Variants in IL34 observed in about 807,000 individuals in gnomAD.
IL34 encodes the protein interleukin-34.
Under a neutral mutation model 25.3 loss-of-function variants are expected in IL34, and 17 were observed. That is an observed-to-expected ratio of 0.67 (90% CI 0.46 to 1.01). IL34 has a LOEUF of 1.01. Ranked by LOEUF, IL34 falls within the 50% of genes least tolerant of loss-of-function variation. IL34 has a pLI of 0.00. For missense variants in IL34, 368 were observed against 312.9 expected (o/e 1.18, Z -1.33); for synonymous variants, 174 against 140.9 (o/e 1.23, Z -1.66).
At chr16:70,657,332 C>T (rs867389753) in intron 4 of IL34, 4 of 571,736 alleles carry the variant, frequency 7.0e-6, no homozygotes, top group South Asian at 4.3e-5. Flanking sequence ...GAGCCGGGCT[C>T]GGGGTGCAGG....
intron 1 of IL34, among the ~76,000 whole-genome samples, chr16:70,595,163 G>A (rs1027726076): frequency 3.9e-5 from 6 of 152,102 alleles, no homozygotes; most frequent in African/African-American, 1.4e-4. Flanking sequence ...GTTTTGCCAT[G>A]TTGGCCAGGC....
upstream of IL34, among the ~76,000 whole-genome samples, chr16:70,644,533 G>A (rs993482167): frequency 2.6e-5 from 4 of 152,050 alleles, no homozygotes; most frequent in African/African-American, 7.2e-5. Context: ...CTCTATAAAT[G>A]TGCTAAAAAC....
At chr16:70,581,803 C>T (rs1001527601) in intron 1 of IL34, among the ~76,000 whole-genome samples, 1 of 152,152 alleles carries the variant, frequency 6.6e-6, no homozygotes, top group East Asian at 1.9e-4. Flanking sequence ...TTGTTAGGGG[C>T]CGGACATGGT....
intron 1 of IL34, among the ~76,000 whole-genome samples, chr16:70,629,898 TTACATTATTGACTC>T (rs1464703142): frequency 2.6e-5 from 4 of 152,186 alleles, no homozygotes; most frequent in African/African-American, 4.8e-5. Flanking sequence ...AAATGTACAA[TTACATTATTGACTC>T]TAGTCACCCT....
At chr16:70,612,197 A>AC in intron 1 of IL34, among the ~76,000 whole-genome samples, 1 of 151,882 alleles carries the variant, frequency 6.6e-6, no homozygotes, top group Non-Finnish European at 1.5e-5. Flanking sequence ...GAACCAGCTG[A>AC]CCCCTGGGGG....
At chr16:70,637,160 G>A (rs1431987666) in intron 1 of IL34, among the ~76,000 whole-genome samples, 2 of 151,458 alleles carry the variant, frequency 1.3e-5, no homozygotes, top group African/African-American at 4.8e-5. Flanking sequence ...GTGCCTGGCC[G>A]CCCCTTCCCC....
At chr16:70,611,330 G>A (rs1369806990) in intron 1 of IL34, among the ~76,000 whole-genome samples, 1 of 152,146 alleles carries the variant, frequency 6.6e-6, no homozygotes, top group Non-Finnish European at 1.5e-5. Flanking sequence ...TGAAGGGGGA[G>A]GGGCTGCCAG....
intron 1 of IL34, among the ~76,000 whole-genome samples, chr16:70,616,701 TG>T (rs2051178252): frequency 6.6e-6 from 1 of 151,910 alleles, no homozygotes; most frequent in Non-Finnish European, 1.5e-5. Flanking sequence ...TTCTCAAGGG[TG>T]GGGAGAATTA....
Position 70,659,653 on chromosome 16 carries a change from G to A in IL34, c.438G>A (p.Leu146=). The A allele has an allele frequency of 1.9e-6, 3 of 1,612,862 alleles. No homozygotes were observed. The highest frequency in any genetic ancestry group is 2.5e-6 in the Non-Finnish European group (3 of 1,179,388). The change falls in exon 5 of 6, where the codon TTG becomes TTA. Residue 146 remains leucine, a synonymous_variant. Transcript: ENST00000288098. ...TCAGCCCCAAGGTGGAATCCGTGTT[G>A]TCCCTCTTGAATGCCCCAGGGCCAA... ...VEVSPKVESV[L]SLLNAPGPNL... is the part of the protein sequence containing the mutation.
chr16:70,611,834 ACT>A (rs2051095690), intron 1 of IL34, among the ~76,000 whole-genome samples: 1 of 151,366 alleles, frequency 6.6e-6, no homozygotes, highest in South Asian at 2.1e-4. Flanking sequence ...ACAGAGCAAG[ACT>A]CTGTCTTAAA....
chr16:70,587,847 T>G (rs757548443), intron 1 of IL34, among the ~76,000 whole-genome samples: 1 of 151,938 alleles, frequency 6.6e-6, no homozygotes, highest in Non-Finnish European at 1.5e-5. Context: ...GAGACCAGCC[T>G]GGCAAACAGG....
intron 1 of IL34, among the ~76,000 whole-genome samples, chr16:70,613,700 C>T (rs1172798426): frequency 6.6e-6 from 1 of 151,712 alleles, no homozygotes; most frequent in African/African-American, 2.4e-5. Flanking sequence ...ACAGTGAAAC[C>T]CTATCTCTAC....
chr16:70,596,820 G>A (rs546747617), intron 1 of IL34, among the ~76,000 whole-genome samples: 2 of 152,176 alleles, frequency 1.3e-5, no homozygotes, highest in Admixed American at 6.5e-5. Context: ...CAAACTTCTG[G>A]TCTCAAGTGA....
chr16:70,625,996 C>T (rs578043207), intron 1 of IL34, among the ~76,000 whole-genome samples: 9 of 152,290 alleles, frequency 5.9e-5, no homozygotes, highest in South Asian at 2.1e-4. Context: ...TCCCCCGATC[C>T]GAGTCACGGC....
intron 1 of IL34, among the ~76,000 whole-genome samples, chr16:70,592,353 C>T (rs891242979): frequency 1.3e-5 from 2 of 152,148 alleles, no homozygotes; most frequent in Non-Finnish European, 2.9e-5. Flanking sequence ...TGACCGCCTC[C>T]TGAGGTGTAA....
At chr16:70,583,203 C>T (rs2050654310) in intron 1 of IL34, among the ~76,000 whole-genome samples, 1 of 152,130 alleles carries the variant, frequency 6.6e-6, no homozygotes, top group East Asian at 1.9e-4. Context: ...AACTCTGCCT[C>T]CTGGGTTCAA....
intron 4 of IL34, among the ~76,000 whole-genome samples, chr16:70,658,250 G>T (rs995993847): frequency 5.6e-4 from 86 of 152,354 alleles, no homozygotes; most frequent in African/African-American, 2.0e-3. Context: ...CCTGGAACCA[G>T]ACTGGTGGGG....
Position 70,660,007 on chromosome 16 carries a change from C to T in IL34, c.549C>T (p.Ser183=). The T allele has an allele frequency of 6.3e-7, 1 of 1,586,432 alleles. No homozygotes were observed. The highest frequency in any genetic ancestry group is 8.5e-7 in the Non-Finnish European group (1 of 1,170,826). The change falls in exon 6 of 6, where the codon AGC becomes AGT. Residue 183 remains serine, a synonymous_variant. Coordinates refer to ENST00000288098, the MANE Select transcript of IL34 (RefSeq NM_001393494.1). The stretch of plus-strand genomic sequence containing the variant: ...CCCTATCTCTTGCAGGTAAACAAAG[C>T]TCCGTCCTAAACTGGCAGGACTGTG... ...ELLYCSCCKQ[S]SVLNWQDCEV...
At chr16:70,643,071 T>A (rs1267098725), upstream of IL34, among the ~76,000 whole-genome samples, 1 of 152,184 alleles carries the variant, frequency 6.6e-6, no homozygotes, top group Non-Finnish European at 1.5e-5. Flanking sequence ...TATTTATTTT[T>A]ATTTATTTTT....
Sources: allele counts gnomAD v4.1 joint callset (sites outside exome capture counted in the v4.1 genomes callset), GRCh38; gene constraint gnomAD v4.1.1; transcripts MANE v1.5; gene names NCBI Gene and HGNC (gene_info 2026-07-23, HGNC 2026-07-21).